MZT2B: variants seen among roughly 807,000 people sequenced by gnomAD.
MZT2B encodes mitotic-spindle organizing protein 2B.
A neutral mutation model predicts 12.1 loss-of-function variants in MZT2B; 11 were observed. The ratio of observed to expected loss-of-function variants is 0.91; its 90% CI spans 0.57 to 1.50. MZT2B has a LOEUF of 1.50. Ranked by LOEUF, MZT2B falls within the 40% of genes most tolerant of loss-of-function variation. The pLI is 0.00. For synonymous variants in MZT2B, 85 were observed against 109.5 expected, an observed-to-expected ratio of 0.78 and a Z score of 1.40; for missense variants, 209 against 227.7, an observed-to-expected ratio of 0.92 and a Z score of 0.53.
At chr2:130,183,869 G>T in intron 2 of MZT2B, 1 of 1,550,618 alleles carries the variant, frequency 6.4e-7, no homozygotes, top group Non-Finnish European at 8.7e-7. Context: ...CGGCCTCTCC[G>T]GTTCTGCTCC....
chr2:130,202,325 G>T, the MZT2B span: 7 of 1,289,730 alleles, frequency 5.4e-6, no homozygotes, highest in Non-Finnish European at 7.1e-6. Context: ...ATTCAAACAG[G>T]CTTGAGTGAC....
At chr2:130,181,861 C>A, upstream of MZT2B, 2 of 1,531,722 alleles carry the variant, frequency 1.3e-6, no homozygotes, top group Non-Finnish European at 1.8e-6. Context: ...GTGCCCCCCC[C>A]TTCCCCCCGC....
the MZT2B span, among the ~76,000 whole-genome samples, chr2:130,200,400 A>C: frequency 6.6e-6 from 1 of 152,158 alleles, no homozygotes; most frequent in Non-Finnish European, 1.5e-5. Flanking sequence ...CAAAAAAAAA[A>C]AAAAAGCTAT....
At chr2:130,194,390 G>A (rs748204608), downstream of MZT2B, 9 of 1,612,900 alleles carry the variant, frequency 5.6e-6, no homozygotes, top group Non-Finnish European at 6.8e-6. Context: ...CATGAGCAGA[G>A]ATGCGAACCC....
chr2:130,184,962 C>T (rs1477958638), intron 2 of MZT2B: 1 of 851,462 alleles, frequency 1.2e-6, no homozygotes, highest in Non-Finnish European at 1.4e-6. Flanking sequence ...CTCAGGAGTT[C>T]AAGACCAGCC....
chr2:130,200,390 CAAA>C, the MZT2B span, among the ~76,000 whole-genome samples: 4 of 124,374 alleles, frequency 3.2e-5, no homozygotes, highest in Admixed American at 1.6e-4. Flanking sequence ...GACTCTGTCT[CAAA>C]AAAAAAAAAA....
At chr2:130,185,230 G>C (rs904774573) in intron 2 of MZT2B, among the ~76,000 whole-genome samples, 2 of 151,034 alleles carry the variant, frequency 1.3e-5, no homozygotes, top group African/African-American at 4.9e-5. Flanking sequence ...AGAATGGCGT[G>C]AACTTGGGAG....
chr2:130,187,192 T>C (rs1019765256), intron 2 of MZT2B, among the ~76,000 whole-genome samples: 10 of 151,732 alleles, frequency 6.6e-5, no homozygotes, highest in Non-Finnish European at 1.2e-4. Context: ...TTTTACTTTT[T>C]ATTTATTTAT....
At chr2:130,186,286 C>T (rs1273959165) in intron 2 of MZT2B, among the ~76,000 whole-genome samples, 1 of 152,150 alleles carries the variant, frequency 6.6e-6, no homozygotes, top group Non-Finnish European at 1.5e-5. Flanking sequence ...CTCTGGATGC[C>T]TGTCCCCCAG....
the MZT2B span, among the ~76,000 whole-genome samples, chr2:130,201,715 G>A: frequency 6.6e-6 from 1 of 152,162 alleles, no homozygotes; most frequent in Non-Finnish European, 1.5e-5. Context: ...CAGCGGCTGG[G>A]ATACGTTCTC....
chr2:130,196,973 AAGC>A, the MZT2B span, among the ~76,000 whole-genome samples: 2 of 152,162 alleles, frequency 1.3e-5, no homozygotes, highest in East Asian at 3.9e-4. Flanking sequence ...GGCTGGAGGA[AAGC>A]AGTGCCAGGG....
intron 2 of MZT2B, among the ~76,000 whole-genome samples, chr2:130,189,152 AGCTTACATACAGAGGGG>A (rs1389399612): frequency 6.6e-6 from 1 of 152,130 alleles, no homozygotes; most frequent in South Asian, 2.1e-4. Context: ...TTTGTTAGGG[AGCTTACATACAGAGGGG>A]GCTGCAGTGT....
chr2:130,194,144 T>A (rs770801215), downstream of MZT2B: 1 of 1,614,054 alleles, frequency 6.2e-7, no homozygotes, highest in Non-Finnish European at 8.5e-7. Context: ...GGACACGATC[T>A]GCCCAATCAG....
chr2:130,182,014 G>A, upstream of MZT2B: 2 of 1,358,024 alleles, frequency 1.5e-6, no homozygotes, highest in South Asian at 3.0e-5. Flanking sequence ...GACCAATGCA[G>A]TCTATCAGGG....
chr2:130,193,197 G>C (rs1239588521), downstream of MZT2B, among the ~76,000 whole-genome samples: 2 of 151,972 alleles, frequency 1.3e-5, no homozygotes, highest in East Asian at 1.9e-4. Context: ...AGAGGTTGCA[G>C]TGAGCCAGGA....
At chr2:130,183,819 C>G in intron 2 of MZT2B, 1 of 1,550,720 alleles carries the variant, frequency 6.4e-7, no homozygotes, top group Non-Finnish European at 8.7e-7. Context: ...GAACAGTAGC[C>G]CCCCTGCAAG....
At chr2:130,181,831 G>C (rs981964295), upstream of MZT2B, 6 of 1,542,196 alleles carry the variant, frequency 3.9e-6, no homozygotes, top group African/African-American at 1.4e-5. Context: ...CCGCGTGCGC[G>C]TAAGCAGTAT....
At chr2:130,186,945 AT>A (rs1194158716) in intron 2 of MZT2B, among the ~76,000 whole-genome samples, 1 of 125,864 alleles carries the variant, frequency 7.9e-6, no homozygotes, top group Non-Finnish European at 1.7e-5. Context: ...GAGGCTGGGC[AT>A]TGGTTCACAC....
chr2:130,198,850 T>G, the MZT2B span, among the ~76,000 whole-genome samples: 2 of 122,814 alleles, frequency 1.6e-5, 1 homozygote, highest in South Asian at 5.6e-4. Flanking sequence ...ACCGCAATTA[T>G]CCCCCTCTTC....
Sources: allele counts gnomAD v4.1 joint callset (sites outside exome capture counted in the v4.1 genomes callset), GRCh38; gene constraint gnomAD v4.1.1; transcripts MANE v1.5; gene names NCBI Gene and HGNC (gene_info 2026-07-23, HGNC 2026-07-21).